NALF2: variants seen among roughly 807,000 people sequenced by gnomAD.
NALF2 encodes bB57D9.1 (TED protein).
NALF2 carries 1 observed loss-of-function variant against 24.8 expected under a neutral mutation model. The observed-to-expected ratio is 0.04, with a 90% confidence interval of 0.01 to 0.19. The LOEUF is 0.19. NALF2 is among the 10% of genes least tolerant of loss of function. The pLI, the probability that NALF2 is intolerant of heterozygous loss-of-function variation, is 1.00. For missense variants in NALF2, 458 were observed against 409.6 expected (o/e 1.12, Z -1.02); for synonymous variants, 254 against 189.8 (o/e 1.34, Z -2.78).
chrX:69,505,177 G>C lies in NALF2; in HGVS notation c.-106G>C, dbSNP rs766126876. 9.9e-4 allele frequency: 820 copies of C among 830,126 alleles called. 3 individuals carry two copies. The highest frequency in any genetic ancestry group is 1.2e-3 in the Non-Finnish European group (773 of 620,396). 68.4% of individuals were successfully genotyped at this position (830,126 alleles called of 1,213,427 possible). ...CTCACCATGCAGCCCCCGAGGTAGA[G>C]CCTGGACGGCGCCGAGGAGCGCAGA... On this transcript the variant is annotated 5_prime_UTR_variant, in exon 1 of 3. Transcript: ENST00000252338.
In NALF2 at chrX:69,504,653, C is replaced by G. The variant is rs1182789623; in HGVS notation, c.-630C>G. Among the ~76,000 whole-genome samples, 2 of 112,687 alleles carry G rather than the reference C, an allele frequency of 1.8e-5. No homozygotes were observed. The highest frequency in any genetic ancestry group is 3.8e-5 in the Non-Finnish European group (2 of 52,981). On this transcript the variant is annotated 5_prime_UTR_variant, in exon 1 of 3. Transcript: ENST00000252338. The stretch of plus-strand genomic sequence containing the variant: ...GAGCGGAGCCCGCCAGGGACTGGCC[C>G]CGGCGAACACCCGGAGCGCGAACGA...
In NALF2 at chrX:69,505,718, G is replaced by T; in HGVS notation, c.436G>T (p.Ala146Ser). Residue 146 changes from alanine (A) to serine (S), a missense_variant, in exon 1 of 3, where the codon GCT (alanine) becomes TCT (serine). Physicochemically the swap from Ala to Ser is moderately conservative, Grantham distance 99. Transcript: ENST00000252338. ...CCCAGAGCCCACGGGGCTGGACGCA[G>T]CTTGCACCAAATTGCAATCTTTGCA... ...GVPEPTGLDA[A>S]CTKLQSLQRL... 8.3e-7 allele frequency: 1 copy of T among 1,211,256 alleles called. No individual in the cohort carries two copies. Among genetic ancestry groups the T allele is most frequent in the Non-Finnish European group, 1.1e-6 (1 of 895,213 alleles).
chrX:69,514,852 T>C (rs1305708602), intron 1 of NALF2, among the ~76,000 whole-genome samples: 2 of 112,162 alleles, frequency 1.8e-5, no homozygotes, highest in Non-Finnish European at 3.8e-5. Flanking sequence ...GAAATCATAC[T>C]GTTTTTTACC....
At chrX:69,508,786 C>A (rs1320743783) in intron 1 of NALF2, among the ~76,000 whole-genome samples, 1 of 112,259 alleles carries the variant, frequency 8.9e-6, no homozygotes. Flanking sequence ...TGTCTGGTCC[C>A]CACCCCAAAT....
intron 1 of NALF2, among the ~76,000 whole-genome samples, chrX:69,520,976 C>G (rs1374226872): frequency 8.9e-6 from 1 of 112,118 alleles, no homozygotes; most frequent in Admixed American, 9.4e-5. Flanking sequence ...ACCACACTTT[C>G]AGACAGAAGT....
intron 1 of NALF2, among the ~76,000 whole-genome samples, chrX:69,523,414 G>A (rs1307120865): frequency 1.8e-5 from 2 of 111,841 alleles, no homozygotes; most frequent in Non-Finnish European, 3.8e-5. Flanking sequence ...AGGCTCTCTG[G>A]GTCCTCCCTA....
At chrX:69,506,272 T>G in intron 1 of NALF2, 129 bp downstream of exon 1, 1 of 705,278 alleles carries the variant, frequency 1.4e-6, no homozygotes, top group Non-Finnish European at 2.1e-6. Context: ...AGTGCAGCAC[T>G]ACCAGTGCCA....
intron 1 of NALF2, among the ~76,000 whole-genome samples, chrX:69,511,082 C>G (rs1262023762): frequency 9.1e-6 from 1 of 110,336 alleles, no homozygotes; most frequent in African/African-American, 3.3e-5. Flanking sequence ...CTTCCTAAGC[C>G]ACACCCACAC....
chrX:69,513,147 A>C (rs897331870), intron 1 of NALF2, among the ~76,000 whole-genome samples: 4 of 111,889 alleles, frequency 3.6e-5, no homozygotes, highest in Non-Finnish European at 7.5e-5. Flanking sequence ...GGAGGGATCA[A>C]GCAGAGCACG....
chrX:69,524,107 T>C (rs983214861), intron 1 of NALF2, among the ~76,000 whole-genome samples: 2 of 108,941 alleles, frequency 1.8e-5, no homozygotes, highest in African/African-American at 6.7e-5. Context: ...TTTCTTTTTT[T>C]TTTTTTTTTA....
rs1202528789 is a variant in NALF2 at position 69,531,951 on chromosome X, C to T, written c.*1995C>T. On this transcript the variant is annotated 3_prime_UTR_variant, in exon 3 of 3. Transcript: ENST00000252338. ...AGACCCTAGGTACTGCCTTCTAACT[C>T]CTGCATCCTCAGAAGGGGAAAAGGG... 8.9e-6 allele frequency: 1 copy of T among 111,968 alleles called. No individual in the cohort carries two copies. The highest frequency in any genetic ancestry group is 3.3e-5 in the African/African-American group (1 of 30,656). 9.2% of individuals were successfully genotyped at this position (111,968 alleles called of 1,213,427 possible).
At position 69,505,552 on chromosome X, in the gene NALF2, G is replaced by C. The variant is rs1382336813; in HGVS notation, c.270G>C (p.Pro90=). The change falls in exon 1 of 3, where the codon CCG becomes CCC. Residue 90 remains proline (P), a synonymous_variant. Transcript: ENST00000252338. ...PPWGAGRERQ[P]VPPRAVLPLP... ...GGGGGGCCGGCCGGGAGCGGCAGCC[G>C]GTGCCTCCTCGCGCGGTGCTGCCGC... The C allele has an allele frequency of 7.3e-6, 7 of 958,045 alleles. No individual in the cohort carries two copies. In the African/African-American group the frequency reaches 1.3e-4, roughly 17 times the overall value. The allele number at this position is 958,045 out of a possible 1,213,427, so 79.0% of individuals were successfully genotyped here.
At chrX:69,524,639 T>C (rs78739647) in intron 1 of NALF2, among the ~76,000 whole-genome samples, 39,179 of 108,726 alleles carry the variant, frequency 0.36, 6,547 homozygotes, top group East Asian at 0.64. Context: ...CCAAACAACC[T>C]CCCCCGTCAA....
At chrX:69,515,526 A>C (rs1195422334) in intron 1 of NALF2, among the ~76,000 whole-genome samples, 4 of 112,664 alleles carry the variant, frequency 3.6e-5, no homozygotes, top group African/African-American at 1.3e-4. Context: ...ACACTTTTCC[A>C]GTATTGGCTA....
chrX:69,518,932 T>C (rs1930698752), intron 1 of NALF2, among the ~76,000 whole-genome samples: 1 of 112,492 alleles, frequency 8.9e-6, no homozygotes, highest in South Asian at 3.6e-4. Context: ...TTAGCTCTTT[T>C]ACTCCCAGCA....
chrX:69,525,146 C>A (rs1026268512), intron 1 of NALF2, among the ~76,000 whole-genome samples: 1 of 112,166 alleles, frequency 8.9e-6, no homozygotes, highest in African/African-American at 3.2e-5. Flanking sequence ...AGCGCCCAGC[C>A]ACCATAGCCT....
chrX:69,512,973 G>A (rs1432333098), intron 1 of NALF2, among the ~76,000 whole-genome samples: 2 of 111,433 alleles, frequency 1.8e-5, no homozygotes, highest in African/African-American at 6.5e-5. Flanking sequence ...TTTGTTCAAC[G>A]TCCCAGTCTC....
chrX:69,518,938 C>T (rs972439635), intron 1 of NALF2, among the ~76,000 whole-genome samples: 12 of 112,211 alleles, frequency 1.1e-4, no homozygotes, highest in African/African-American at 3.9e-4. Flanking sequence ...CTTTTACTCC[C>T]AGCAGCACTT....
intron 2 of NALF2, 62 bp downstream of exon 2, chrX:69,529,226 G>A (rs771572308): frequency 1.1e-4 from 123 of 1,088,764 alleles, no homozygotes; most frequent in Non-Finnish European, 1.3e-4. Context: ...CATCAGGTCA[G>A]AGGAGTTGGG....
Sources: gnomAD v4.1 joint callset for allele counts (sites outside exome capture counted in the v4.1 genomes callset) on GRCh38, gnomAD v4.1.1 for gene constraint, MANE v1.5 for transcripts, NCBI Gene and HGNC (gene_info 2026-07-23, HGNC 2026-07-21) for gene names.